SMPDL3B: variants seen among roughly 807,000 people sequenced by gnomAD.
The protein encoded by SMPDL3B is acid sphingomyelinase-like phosphodiesterase 3b.
Under a neutral mutation model 37.9 loss-of-function variants are expected in SMPDL3B, and 31 were observed. That is an observed-to-expected ratio of 0.82 (90% CI 0.61 to 1.10). The LOEUF (loss-of-function observed/expected upper bound fraction) is 1.10, where lower values mean the gene tolerates loss of function less well. Among genes scored for constraint, SMPDL3B ranks in the 50% least tolerant of loss-of-function variants. The probability of loss-of-function intolerance (pLI) is 0.00; values close to 1 mark genes in which losing one functional copy is unlikely to be tolerated. For missense variants in SMPDL3B, 525 were observed against 597.8 expected (o/e 0.88, Z 1.27); for synonymous variants, 235 against 242.6 (o/e 0.97, Z 0.29).
At position 27,958,557 on chromosome 1, in the gene SMPDL3B, G is replaced by C; in HGVS notation, c.1087G>C (p.Glu363Gln). 6.2e-7 allele frequency: 1 copy of C among 1,613,906 alleles called. No homozygotes were observed. The highest frequency in any genetic ancestry group is 1.3e-5 in the African/African-American group (1 of 75,052). The change falls in exon 8 of 8, where the codon GAG becomes CAG. Residue 363 changes from glutamate to glutamine, a missense_variant. Transcript: ENST00000373894. The surrounding 1 kb of genome is among the most constrained non-coding windows in gnomAD (Gnocchi z 5.6). ...PRWELEYQLTEAYGVPDASAH... is the reference protein window; with the variant it reads ...PRWELEYQLTQAYGVPDASAH... ...CTGGGAGCTCGAGTACCAGCTGACC[G>C]AGGCCTATGGGGTGCCGGACGCCAG...
At chr1:27,944,026 A>G (rs1368936683) in intron 1 of SMPDL3B, among the ~76,000 whole-genome samples, 1 of 151,664 alleles carries the variant, frequency 6.6e-6, no homozygotes, top group African/African-American at 2.4e-5. Context: ...AAAAAAAAAA[A>G]AAAAAAGAAA....
rs141035438 is a variant in SMPDL3B at position 27,945,270 on chromosome 1, G to A, written c.100G>A (p.Asp34Asn). The change falls in exon 2 of 8, where the codon GAC (aspartate) becomes AAC (asparagine). Residue 34 changes from aspartate (D) to asparagine (N), a missense_variant. By Grantham distance (23) the Asp-to-Asn change is conservative (BLOSUM62 1). Coordinates refer to ENST00000373894, the MANE Select transcript of SMPDL3B (RefSeq NM_014474.4). The surrounding 1 kb of genome is among the most constrained non-coding windows in gnomAD (Gnocchi z 4.0). ...CATCGCTGACCTGCACCTTGACCCT[G>A]ACTACAAGGTATCCAAAGACCCCTT... ...WHIADLHLDP[D>N]YKVSKDPFQV... 779 of 1,614,154 alleles carry A rather than the reference G, an allele frequency of 4.8e-4. No homozygotes were observed. Among genetic ancestry groups the A allele is most frequent in the Non-Finnish European group, 6.0e-4 (708 of 1,180,028 alleles).
rs764070368 is a variant in SMPDL3B at position 27,958,574 on chromosome 1, G to A, written c.1104G>A (p.Pro368=). 3.8e-5 allele frequency: 61 copies of A among 1,613,742 alleles called. No homozygotes were observed. Among genetic ancestry groups the A allele is most frequent in the South Asian group, 5.5e-5 (5 of 91,088 alleles). The change falls in exon 8 of 8, where the codon CCG becomes CCA. Residue 368 remains proline, a synonymous_variant. Coordinates refer to ENST00000373894, the MANE Select transcript of SMPDL3B (RefSeq NM_014474.4). This position sits in a 1 kb window ranked among gnomAD's most constrained non-coding sequence, Gnocchi z 5.6. ...EYQLTEAYGV[P]DASAHSMHTV... is the part of the protein sequence containing the mutation. The stretch of plus-strand genomic sequence containing the variant: ...AGCTGACCGAGGCCTATGGGGTGCC[G>A]GACGCCAGCGCCCACTCCATGCACA...
At chr1:27,944,241 C>T (rs545573760) in intron 1 of SMPDL3B, among the ~76,000 whole-genome samples, 27 of 152,238 alleles carry the variant, frequency 1.8e-4, no homozygotes, top group Middle Eastern at 3.4e-3. Flanking sequence ...TCCAGAATCA[C>T]CAGCAAATAT....
intron 2 of SMPDL3B, 134 bp from the exon 3 acceptor site, chr1:27,948,931 C>T: frequency 6.6e-7 from 1 of 1,519,084 alleles, no homozygotes; most frequent in Non-Finnish European, 8.9e-7. Flanking sequence ...CCACTCTAGC[C>T]TGGCCATTCC....
At chr1:27,956,592 G>T (rs1638291472) in intron 7 of SMPDL3B, 2 of 664,418 alleles carry the variant, frequency 3.0e-6, no homozygotes, top group Admixed American at 5.6e-5. Context: ...GGATGAGCTT[G>T]TGGTTGTTGA....
intron 3 of SMPDL3B, 84 bp downstream of exon 3, chr1:27,949,246 T>C: frequency 1.4e-6 from 2 of 1,403,510 alleles, no homozygotes; most frequent in Admixed American, 1.8e-5. Context: ...CAGCAGCGAG[T>C]GTCCTGGCTG....
rs373051082 is a variant in SMPDL3B, at chr1:27,935,255, G to A, written c.61+11G>A. 38 of 1,604,906 alleles carry A rather than the reference G, an allele frequency of 2.4e-5. No homozygotes were observed. The highest frequency in any genetic ancestry group is 1.5e-4 in the Admixed American group (9 of 59,952). On this transcript the variant is annotated intron_variant, in intron 1 of 7. Transcript: ENST00000373894. Reference sequence around the variant, plus strand: ...CCAGGGCTGAACCAGGTACAGCACTGGGAATGTCTGCTATGCCTTTGTTTT... The same window carrying A: ...CCAGGGCTGAACCAGGTACAGCACTAGGAATGTCTGCTATGCCTTTGTTTT...
intron 1 of SMPDL3B, among the ~76,000 whole-genome samples, chr1:27,941,736 G>C (rs1471569041): frequency 1.3e-5 from 2 of 152,220 alleles, no homozygotes; most frequent in Admixed American, 6.5e-5. Context: ...GCAGCCGCAT[G>C]ATGATGTGGG....
chr1:27,945,513 C>A lies in SMPDL3B; in HGVS notation c.275+68C>A. 8.0e-7 allele frequency: 1 copy of A among 1,246,406 alleles called. No individual in the cohort carries two copies. The highest frequency in any genetic ancestry group is 1.2e-6 in the Non-Finnish European group (1 of 857,314). The allele number at this position is 1,246,406 out of a possible 1,614,324, so 77.2% of individuals were successfully genotyped here. A position where few individuals can be genotyped will look rare whatever the true frequency, so the allele number is the denominator to read the frequency against. The stretch of plus-strand genomic sequence containing the variant: ...GCTATGTGCTACATACCAGTCTGGC[C>A]CTTTGCCCACATTATCTCCCTTAAT... On this transcript the variant is annotated intron_variant, in intron 2 of 7. Coordinates refer to ENST00000373894, the MANE Select transcript of SMPDL3B (RefSeq NM_014474.4). This position sits in a 1 kb window ranked among gnomAD's most constrained non-coding sequence, Gnocchi z 4.0.
chr1:27,958,329 A>G lies in SMPDL3B; in HGVS notation c.1006-147A>G, dbSNP rs914546197. 9 of 1,107,714 alleles carry G rather than the reference A, an allele frequency of 8.1e-6. No homozygotes were observed. The highest frequency in any genetic ancestry group is 1.2e-5 in the Non-Finnish European group (9 of 778,942). 68.6% of individuals were successfully genotyped at this position (1,107,714 alleles called of 1,614,324 possible). Reference sequence around the variant, plus strand: ...CATTCGATTCAGAGGATGTCTGCCAAGCACAATGGGTGCACAGCTAAGTGC... The same window carrying G: ...CATTCGATTCAGAGGATGTCTGCCAGGCACAATGGGTGCACAGCTAAGTGC... On this transcript the variant is annotated intron_variant, in intron 7 of 7. Transcript: ENST00000373894. The surrounding 1 kb of genome is among the most constrained non-coding windows in gnomAD (Gnocchi z 5.6).
chr1:27,952,252 GCGTTTTGACAACCT>G lies in SMPDL3B; in HGVS notation c.374-961_374-948del, dbSNP rs1217508001. ...GGTTTTTCTAGGCAGTTACAGTGAT[GCGTTTTGACAACCT>G]CCTACTTTGGCAGAGTTCTCAGCAT... On this transcript the variant is annotated intron_variant, in intron 3 of 7. Transcript: ENST00000373894. Among the ~76,000 whole-genome samples, 5 of 151,866 alleles carry G rather than the reference GCGTTTTGACAACCT, an allele frequency of 3.3e-5. No individual in the cohort carries two copies. In the East Asian group the frequency reaches 5.8e-4, roughly 18 times the overall value.
chr1:27,945,676 G>A lies in SMPDL3B; in HGVS notation c.275+231G>A, dbSNP rs1166134127. ...TGTCTCCTGGCTGTGGCAGAACGCA[G>A]CTCTCAATCAGGCTTTTGGACGTGG... On this transcript the variant is annotated intron_variant, in intron 2 of 7. Coordinates refer to ENST00000373894, the MANE Select transcript of SMPDL3B (RefSeq NM_014474.4). This position sits in a 1 kb window ranked among gnomAD's most constrained non-coding sequence, Gnocchi z 4.0. Among the ~76,000 whole-genome samples, 2 of 152,206 alleles carry A rather than the reference G, an allele frequency of 1.3e-5. No homozygotes were observed. The highest frequency in any genetic ancestry group is 1.3e-4 in the Admixed American group (2 of 15,284).
Position 27,945,235 on chromosome 1 carries a change from A to G in SMPDL3B, c.65A>G (p.Lys22Arg), listed in dbSNP as rs1464653798. The change falls in exon 2 of 8, where the codon AAG becomes AGG. Residue 22 changes from lysine to arginine, a missense_variant. Coordinates refer to ENST00000373894, the MANE Select transcript of SMPDL3B (RefSeq NM_014474.4). The surrounding 1 kb of genome is among the most constrained non-coding windows in gnomAD (Gnocchi z 4.0). ...GAGGATGTTTTTTCCCCTGCAGGGA[A>G]GTTCTGGCACATCGCTGACCTGCAC... ...NWGGARAEPGKFWHIADLHLD... is the reference protein window; with the variant it reads ...NWGGARAEPGRFWHIADLHLD... 9 of 1,613,958 alleles carry G rather than the reference A, an allele frequency of 5.6e-6. No homozygotes were observed. Among genetic ancestry groups the G allele is most frequent in the Non-Finnish European group, 7.6e-6 (9 of 1,179,958 alleles).
At chr1:27,944,496 AG>A (rs1400355196) in intron 1 of SMPDL3B, among the ~76,000 whole-genome samples, 1 of 152,188 alleles carries the variant, frequency 6.6e-6, no homozygotes, top group East Asian at 1.9e-4. Flanking sequence ...CTGGGACCAC[AG>A]GTACATGACC....
chr1:27,946,524 C>G (rs950582594), intron 2 of SMPDL3B, among the ~76,000 whole-genome samples: 8 of 152,166 alleles, frequency 5.3e-5, no homozygotes, highest in Admixed American at 5.2e-4. Flanking sequence ...GCAATGCAGA[C>G]AAACCCATTG....
At chr1:27,944,569 T>G (rs901797045) in intron 1 of SMPDL3B, among the ~76,000 whole-genome samples, 1 of 152,022 alleles carries the variant, frequency 6.6e-6, no homozygotes, top group African/African-American at 2.4e-5. Context: ...TAGCCCAGGC[T>G]GGTCTTGAAC....
chr1:27,954,633 G>C (rs895102551), intron 5 of SMPDL3B, 107 bp downstream of exon 5: 1 of 1,094,542 alleles, frequency 9.1e-7, no homozygotes, highest in Non-Finnish European at 1.4e-6. Flanking sequence ...TATCCCAGAG[G>C]GTCCTTTATC....
intron 7 of SMPDL3B, among the ~76,000 whole-genome samples, chr1:27,956,875 A>G (rs1331199214): frequency 1.3e-5 from 2 of 152,070 alleles, no homozygotes; most frequent in African/African-American, 4.8e-5. Context: ...GGAAGTGTCC[A>G]CATAAGGTGC....
Sources: allele counts gnomAD v4.1 joint callset (sites outside exome capture counted in the v4.1 genomes callset), GRCh38; gene constraint gnomAD v4.1.1; non-coding constraint Gnocchi (gnomAD v3.1); transcripts MANE v1.5; gene names NCBI Gene and HGNC (gene_info 2026-07-23, HGNC 2026-07-21).